RIMS1: variants seen among roughly 807,000 people sequenced by gnomAD.
RIMS1 encodes regulating synaptic membrane exocytosis protein 1.
In RIMS1, 83 loss-of-function variants were observed where a neutral mutation model predicts 214.1. That is an observed-to-expected ratio of 0.39 (90% CI 0.32 to 0.47). RIMS1 has a LOEUF of 0.47. Among genes scored for constraint, RIMS1 ranks in the 20% least tolerant of loss-of-function variants. The pLI, the probability that RIMS1 is intolerant of heterozygous loss-of-function variation, is 0.99. For missense variants in RIMS1, 2,050 were observed against 2,161.8 expected (o/e 0.95, Z 1.03); for synonymous variants, 793 against 786.8 (o/e 1.01, Z -0.13).
chr6:72,123,454 T>G (rs2038850525), intron 4 of RIMS1, among the ~76,000 whole-genome samples: 1 of 151,872 alleles, frequency 6.6e-6, no homozygotes, highest in Non-Finnish European at 1.5e-5. Context: ...TTCTCTTGAT[T>G]TGGGGTGGAG....
intron 4 of RIMS1, among the ~76,000 whole-genome samples, chr6:72,107,683 G>A (rs1394332553): frequency 6.6e-6 from 1 of 152,144 alleles, no homozygotes; most frequent in Non-Finnish European, 1.5e-5. Context: ...ATGGAACTGG[G>A]TAGGGGCCAG....
intron 1 of RIMS1, among the ~76,000 whole-genome samples, chr6:71,894,260 C>A (rs1770917772): frequency 6.6e-6 from 1 of 152,132 alleles, no homozygotes; most frequent in Non-Finnish European, 1.5e-5. Flanking sequence ...GCCTGGCCAA[C>A]ATGGTAAAAC....
At chr6:72,325,831 G>T (rs1359234145) in intron 28 of RIMS1, among the ~76,000 whole-genome samples, 2 of 151,706 alleles carry the variant, frequency 1.3e-5, no homozygotes, top group Admixed American at 1.3e-4. Context: ...TCATTTTTTA[G>T]TTCTGATTCT....
chr6:72,277,966 G>A (rs1406453173), intron 23 of RIMS1, among the ~76,000 whole-genome samples: 4 of 151,958 alleles, frequency 2.6e-5, no homozygotes, highest in Non-Finnish European at 5.9e-5. Flanking sequence ...TTAATCAATC[G>A]TCTTTAAGAA....
chr6:72,285,107 G>A (rs1429334507), intron 24 of RIMS1, among the ~76,000 whole-genome samples: 3 of 152,170 alleles, frequency 2.0e-5, no homozygotes, highest in Non-Finnish European at 2.9e-5. Flanking sequence ...GAAATTCTGA[G>A]AGGTTAAATG....
At chr6:72,096,071 G>A (rs181644021) in intron 2 of RIMS1, among the ~76,000 whole-genome samples, 7 of 152,322 alleles carry the variant, frequency 4.6e-5, no homozygotes, top group African/African-American at 1.7e-4. Flanking sequence ...TTGAACTGAT[G>A]TCGATGGGAG....
chr6:72,259,820 A>G (rs563323551), intron 18 of RIMS1, among the ~76,000 whole-genome samples: 1 of 152,294 alleles, frequency 6.6e-6, no homozygotes, highest in East Asian at 1.9e-4. Flanking sequence ...TTAAGGTTTT[A>G]TAATACCCAC....
At position 72,136,036 on chromosome 6, in the gene RIMS1, G is replaced by A. The variant is rs149082562; in HGVS notation, c.471+36050G>A. On this transcript the variant is annotated intron_variant, in intron 4 of 33. Coordinates refer to ENST00000521978, the MANE Select transcript of RIMS1 (RefSeq NM_014989.7). ...CTGCTGAGGAAAGGGGCAATGAGAG[G>A]ATAAGAATGAGTTAGGAATTAAAAT... is the stretch of plus-strand genomic sequence containing the variant. Among the ~76,000 whole-genome samples, 432 of 152,180 alleles carry A rather than the reference G, an allele frequency of 2.8e-3. 2 individuals carry two copies. Among genetic ancestry groups the A allele is most frequent in the African/African-American group, 9.6e-3 (399 of 41,526 alleles).
chr6:72,043,784 G>A (rs1481214573), intron 2 of RIMS1, among the ~76,000 whole-genome samples: 1 of 151,476 alleles, frequency 6.6e-6, no homozygotes, highest in Non-Finnish European at 1.5e-5. Flanking sequence ...TAACTCTGAA[G>A]AAGCATGGAA....
chr6:72,165,773 C>T (rs561139507), intron 4 of RIMS1, among the ~76,000 whole-genome samples: 4 of 152,046 alleles, frequency 2.6e-5, no homozygotes, highest in African/African-American at 9.6e-5. Flanking sequence ...CTAGTAGGGC[C>T]ATAAGAGAAT....
chr6:72,258,302 A>T (rs749203492), intron 17 of RIMS1, 21 bp downstream of exon 17: 266 of 1,608,540 alleles, frequency 1.7e-4, no homozygotes, highest in Non-Finnish European at 2.1e-4. Flanking sequence ...AAATGGGCTC[A>T]GTGTCCCTGA....
At chr6:71,898,596 T>C (rs1772601563) in intron 1 of RIMS1, among the ~76,000 whole-genome samples, 1 of 152,098 alleles carries the variant, frequency 6.6e-6, no homozygotes. Context: ...ACTGGTAAAT[T>C]CTCAGCTCAC....
chr6:71,973,030 C>G (rs545912549), intron 2 of RIMS1, among the ~76,000 whole-genome samples: 2 of 152,246 alleles, frequency 1.3e-5, no homozygotes, highest in South Asian at 2.1e-4. Flanking sequence ...ATTCTTCTGC[C>G]TCCCAAGTAG....
intron 26 of RIMS1, among the ~76,000 whole-genome samples, chr6:72,295,061 A>C (rs553567344): frequency 8.6e-5 from 13 of 151,944 alleles, no homozygotes; most frequent in South Asian, 8.3e-4. Flanking sequence ...TCTGAAGCCA[A>C]CCAGTAACTT....
chr6:72,045,446 T>C lies in RIMS1; in HGVS notation c.246-51503T>C, dbSNP rs1008008397. On this transcript the variant is annotated intron_variant, in intron 2 of 33. Transcript: ENST00000521978. Reference sequence around the variant, plus strand: ...CAATTTTTATTTCACTTTAGTAGACTGGGAAATCCATAGTATTTAATCTCA... The same window carrying C: ...CAATTTTTATTTCACTTTAGTAGACCGGGAAATCCATAGTATTTAATCTCA... Among the ~76,000 whole-genome samples the C allele has an allele frequency of 8.5e-5, 13 of 152,176 alleles. No homozygotes were observed. In the East Asian group the frequency reaches 2.5e-3, roughly 29 times the overall value.
chr6:72,066,440 A>T (rs1442009118), intron 2 of RIMS1, among the ~76,000 whole-genome samples: 1 of 152,158 alleles, frequency 6.6e-6, no homozygotes, highest in Non-Finnish European at 1.5e-5. Flanking sequence ...GTCATCATAC[A>T]TTTTCAGATT....
chr6:72,266,243 T>TA (rs2080474838), intron 22 of RIMS1, 194 bp downstream of exon 22: 2 of 599,274 alleles, frequency 3.3e-6, no homozygotes, highest in Admixed American at 2.7e-5. Context: ...AGGGTACACA[T>TA]ACACATATTT....
At chr6:71,935,444 AG>A (rs1441999296) in intron 1 of RIMS1, among the ~76,000 whole-genome samples, 2 of 152,248 alleles carry the variant, frequency 1.3e-5, no homozygotes, top group Non-Finnish European at 2.9e-5. Flanking sequence ...CATTTTGATA[AG>A]AAAAAAACAA....
At chr6:72,345,268 A>G (rs2097219353) in intron 29 of RIMS1, among the ~76,000 whole-genome samples, 2 of 151,720 alleles carry the variant, frequency 1.3e-5, no homozygotes, top group Non-Finnish European at 2.9e-5. Context: ...CTCCTGTGGT[A>G]TCACCACTAA....
Sources: gnomAD v4.1 joint callset for allele counts (sites outside exome capture counted in the v4.1 genomes callset) on GRCh38, gnomAD v4.1.1 for gene constraint, MANE v1.5 for transcripts, NCBI Gene and HGNC (gene_info 2026-07-23, HGNC 2026-07-21) for gene names.